Variants in RTL9 observed in about 807,000 individuals in gnomAD.
RTL9 encodes retrotransposon Gag-like protein 9.
A neutral mutation model predicts 44.7 loss-of-function variants in RTL9; 19 were observed. The ratio of observed to expected loss-of-function variants is 0.42; its 90% CI spans 0.30 to 0.62. The LOEUF (loss-of-function observed/expected upper bound fraction) is 0.62. RTL9 is among the 20% of genes least tolerant of loss of function. The probability of loss-of-function intolerance (pLI) is 0.16; values close to 1 mark genes in which losing one functional copy is unlikely to be tolerated. For synonymous variants in RTL9, 407 were observed against 398.9 expected, an observed-to-expected ratio of 1.02 and a Z score of -0.24; for missense variants, 1,105 against 1,080.6, an observed-to-expected ratio of 1.02 and a Z score of -0.32.
At chrX:110,417,480 ATT>A (rs371569472), upstream of RTL9, among the ~76,000 whole-genome samples, 2 of 108,568 alleles carry the variant, frequency 1.8e-5, no homozygotes, top group African/African-American at 6.7e-5. Context: ...GCAAATGAGC[ATT>A]TTTTTTTTAT....
rs148432067 is a variant in RTL9 at position 110,421,549 on chromosome X, C to T, written c.-168+2414C>T. 4.5e-3 allele frequency among the ~76,000 whole-genome samples: 509 copies of T among 112,549 alleles called. 2 individuals are homozygous for T. Among genetic ancestry groups the T allele is most frequent in the African/African-American group, 0.015 (455 of 31,003 alleles). ...AGCAGGGGTCTCTGCTAATGAAATT[C>T]GAGCATATTTGCATTTATCGACAGG... On this transcript the variant is annotated intron_variant, in intron 1 of 3. Transcript: ENST00000465301.
intron 1 of RTL9, among the ~76,000 whole-genome samples, chrX:110,420,153 G>A (rs1355748438): frequency 9.0e-6 from 1 of 111,432 alleles, no homozygotes; most frequent in Non-Finnish European, 1.9e-5. Flanking sequence ...CCACCCCCAG[G>A]CACGATTCTA....
intron 1 of RTL9, among the ~76,000 whole-genome samples, chrX:110,374,391 T>C (rs958664430): frequency 8.9e-6 from 1 of 112,134 alleles, no homozygotes; most frequent in Non-Finnish European, 1.9e-5. Flanking sequence ...AGTCTAGTAG[T>C]ATTTCTCTCA....
chrX:110,360,027 A>C (rs1425392979), intron 1 of RTL9, among the ~76,000 whole-genome samples: 1 of 112,183 alleles, frequency 8.9e-6, no homozygotes, highest in Non-Finnish European at 1.9e-5. Flanking sequence ...TTTGTAAAGC[A>C]CACTAGGCTG....
At chrX:110,363,788 C>G (rs984915525) in intron 1 of RTL9, among the ~76,000 whole-genome samples, 3 of 111,355 alleles carry the variant, frequency 2.7e-5, no homozygotes, top group African/African-American at 9.8e-5. Flanking sequence ...CCAGTAATAA[C>G]AGTCACCATA....
At chrX:110,392,333 T>C (rs1264039095) in intron 1 of RTL9, among the ~76,000 whole-genome samples, 1 of 104,501 alleles carries the variant, frequency 9.6e-6, no homozygotes, top group East Asian at 3.0e-4. Flanking sequence ...CTGTGTGCAA[T>C]GGTGTAATCA....
intron 1 of RTL9, among the ~76,000 whole-genome samples, chrX:110,430,391 A>G (rs2068787904): frequency 8.9e-6 from 1 of 112,637 alleles, no homozygotes; most frequent in Non-Finnish European, 1.9e-5. Flanking sequence ...AATTCTCACT[A>G]TGATGCTGTG....
upstream of RTL9, among the ~76,000 whole-genome samples, chrX:110,449,421 T>C (rs1350292056): frequency 8.9e-6 from 1 of 112,729 alleles, no homozygotes; most frequent in African/African-American, 3.2e-5. Flanking sequence ...TGATGACTTT[T>C]GTGACATTGT....
upstream of RTL9, among the ~76,000 whole-genome samples, chrX:110,417,302 G>T (rs1316021753): frequency 8.9e-6 from 1 of 112,134 alleles, no homozygotes; most frequent in Non-Finnish European, 1.9e-5. Flanking sequence ...ATTTGACAGG[G>T]GAGGAGGCAC....
intron 1 of RTL9, among the ~76,000 whole-genome samples, chrX:110,372,461 T>C (rs1055712758): frequency 1.8e-5 from 2 of 112,075 alleles, no homozygotes; most frequent in Non-Finnish European, 3.8e-5. Flanking sequence ...TAAGTTTGTG[T>C]ACATAAAATG....
chrX:110,384,222 C>G (rs1295771682), intron 1 of RTL9, among the ~76,000 whole-genome samples: 3 of 110,780 alleles, frequency 2.7e-5, no homozygotes, highest in Non-Finnish European at 5.7e-5. Context: ...ACTTTCTCCC[C>G]CATAGTGCCT....
At chrX:110,358,960 C>T (rs1317292015) in intron 1 of RTL9, 44 bp downstream of exon 1, 3 of 111,744 alleles carry the variant, frequency 2.7e-5, no homozygotes. Context: ...TCTTCTATAA[C>T]GCTCTATATG....
chrX:110,445,946 A>G (rs1320046629), upstream of RTL9, among the ~76,000 whole-genome samples: 3 of 111,669 alleles, frequency 2.7e-5, no homozygotes, highest in Non-Finnish European at 5.6e-5. Context: ...TATGCCTCAC[A>G]TGGGCTGAGC....
intron 1 of RTL9, among the ~76,000 whole-genome samples, chrX:110,428,606 C>A (rs1049630430): frequency 9.0e-6 from 1 of 111,254 alleles, no homozygotes; most frequent in Non-Finnish European, 1.9e-5. Flanking sequence ...ACACTCCCCC[C>A]CTCTCCAAGA....
chrX:110,386,629 A>AT (rs749075623), intron 1 of RTL9, among the ~76,000 whole-genome samples: 1 of 111,170 alleles, frequency 9.0e-6, no homozygotes, highest in Non-Finnish European at 1.9e-5. Context: ...ATTCTGTGTA[A>AT]TTTTTTTTCA....
chrX:110,433,463 A>G (rs2068813552), intron 1 of RTL9, among the ~76,000 whole-genome samples: 1 of 111,621 alleles, frequency 9.0e-6, no homozygotes, highest in South Asian at 3.9e-4. Context: ...ATGACTAGGA[A>G]GGGTAATGAG....
chrX:110,414,612 G>T (rs2068664715), upstream of RTL9, among the ~76,000 whole-genome samples: 2 of 113,032 alleles, frequency 1.8e-5, no homozygotes, highest in Non-Finnish European at 3.7e-5. Flanking sequence ...GACACAATTT[G>T]TATGTGGAGA....
exon 1 of RTL9, chrX:110,452,484 G>A: frequency 8.3e-7 from 1 of 1,209,934 alleles, no homozygotes; most frequent in East Asian, 3.0e-5. Flanking sequence ...GACACCCAAA[G>A]CCTCAGGAAC....
upstream of RTL9, among the ~76,000 whole-genome samples, chrX:110,448,166 T>G (rs1320317295): frequency 8.9e-6 from 1 of 111,841 alleles, no homozygotes; most frequent in East Asian, 2.8e-4. Flanking sequence ...GTCTTCGTTA[T>G]GATCACCATT....
Sources: allele counts gnomAD v4.1 joint callset (sites outside exome capture counted in the v4.1 genomes callset), GRCh38; gene constraint gnomAD v4.1.1; transcripts MANE v1.5; gene names NCBI Gene and HGNC (gene_info 2026-07-23, HGNC 2026-07-21).